CNTNAP4: variants seen among roughly 807,000 people sequenced by gnomAD.
CNTNAP4 encodes the protein contactin associated protein family member 4.
CNTNAP4 carries 98 observed loss-of-function variants against 148.4 expected under a neutral mutation model. The ratio of observed to expected loss-of-function variants is 0.66; its 90% CI spans 0.56 to 0.78. The LOEUF (loss-of-function observed/expected upper bound fraction) is 0.78. CNTNAP4 is among the 30% of genes least tolerant of loss of function. The pLI is 0.00. For synonymous variants in CNTNAP4, 730 were observed against 565.1 expected (o/e 1.29, Z -4.14); for missense variants, 1,935 against 1,565.6 (o/e 1.24, Z -3.98).
At chr16:76,410,650 C>T (rs1034029964) in intron 3 of CNTNAP4, among the ~76,000 whole-genome samples, 1 of 151,662 alleles carries the variant, frequency 6.6e-6, no homozygotes, top group African/African-American at 2.4e-5. Flanking sequence ...TACATTATTA[C>T]TAAATAAAAT....
rs1291873267 is a variant in CNTNAP4, at chr16:76,521,219, G to A, written c.2445G>A (p.Ala815=). 19 of 1,611,616 alleles carry A rather than the reference G, an allele frequency of 1.2e-5. No individual in the cohort carries two copies. Among genetic ancestry groups the A allele is most frequent in the South Asian group, 1.1e-4 (10 of 90,768 alleles). The change falls in exon 16 of 24, where the codon GCG becomes GCA. Residue 815 remains alanine, a synonymous_variant. Transcript: ENST00000611870. The part of the protein sequence containing the change: ...HFPTFHGELS[A]DVSFFFKTTA... The stretch of plus-strand genomic sequence containing the variant: ...CTACCTTCCACGGAGAACTTAGCGC[G>A]GATGTATCTTTCTTTTTTAAGACAA...
At chr16:76,440,521 A>G (rs1210669966) in intron 4 of CNTNAP4, among the ~76,000 whole-genome samples, 1 of 152,170 alleles carries the variant, frequency 6.6e-6, no homozygotes, top group Non-Finnish European at 1.5e-5. Context: ...ATTCATTTCC[A>G]TGGTACAATT....
chr16:76,558,146 T>C (rs2085272678), intron 23 of CNTNAP4: 2 of 172,502 alleles, frequency 1.2e-5, no homozygotes, highest in Admixed American at 1.3e-4. Flanking sequence ...TACTCCATAA[T>C]TTCAAAATAA....
chr16:76,294,976 C>A (rs1055942075), intron 1 of CNTNAP4, among the ~76,000 whole-genome samples: 1 of 152,060 alleles, frequency 6.6e-6, no homozygotes, highest in African/African-American at 2.4e-5. Flanking sequence ...GTTTAAGGTG[C>A]TTATAGGGGG....
intron 1 of CNTNAP4, among the ~76,000 whole-genome samples, chr16:76,304,031 T>G (rs917063159): frequency 2.0e-5 from 3 of 152,182 alleles, no homozygotes; most frequent in Admixed American, 1.3e-4. Flanking sequence ...AACTTTGGAA[T>G]TTATAATAAA....
intron 3 of CNTNAP4, among the ~76,000 whole-genome samples, chr16:76,357,317 T>A (rs1371644225): frequency 6.6e-6 from 1 of 152,222 alleles, no homozygotes; most frequent in East Asian, 1.9e-4. Flanking sequence ...AAATGTATTT[T>A]TTTAAAAAGT....
intron 21 of CNTNAP4, among the ~76,000 whole-genome samples, chr16:76,548,624 T>G (rs1230649831): frequency 6.6e-6 from 1 of 152,032 alleles, no homozygotes; most frequent in African/African-American, 2.4e-5. Flanking sequence ...ACTCCCTTTG[T>G]TGGAAATTGC....
At chr16:76,501,893 C>T (rs1472271866) in intron 15 of CNTNAP4, among the ~76,000 whole-genome samples, 2 of 152,010 alleles carry the variant, frequency 1.3e-5, no homozygotes, top group African/African-American at 4.8e-5. Context: ...AACGGTGAAA[C>T]CCCGTCTCTA....
intron 14 of CNTNAP4, among the ~76,000 whole-genome samples, chr16:76,495,729 A>T (rs1040363794): frequency 6.6e-6 from 1 of 152,074 alleles, no homozygotes; most frequent in Non-Finnish European, 1.5e-5. Context: ...AATATTTTAA[A>T]TGTTTATATT....
chr16:76,323,403 A>G (rs1962634680), intron 2 of CNTNAP4, among the ~76,000 whole-genome samples: 2 of 152,170 alleles, frequency 1.3e-5, no homozygotes, highest in Non-Finnish European at 2.9e-5. Flanking sequence ...TTCCAGATTA[A>G]TTTTATGATC....
At position 76,391,685 on chromosome 16, in the gene CNTNAP4, G is replaced by C. The variant is rs77214317; in HGVS notation, c.391-35767G>C. Among the ~76,000 whole-genome samples the C allele has an allele frequency of 7.7e-4, 118 of 152,296 alleles. 1 individual carries two copies. The highest frequency in any genetic ancestry group is 2.7e-3 in the African/African-American group (111 of 41,554). The stretch of plus-strand genomic sequence containing the variant: ...TGGGGTCCAGGAACAGTGTTGTAAG[G>C]AGCCCTCCATGTGATGTTTGATGTT... On this transcript the variant is annotated intron_variant, in intron 3 of 23. Transcript: ENST00000611870.
intron 21 of CNTNAP4, among the ~76,000 whole-genome samples, chr16:76,544,669 G>T (rs1378467456): frequency 1.3e-5 from 2 of 152,142 alleles, no homozygotes; most frequent in African/African-American, 4.8e-5. Flanking sequence ...ATAAAATTAA[G>T]CTCTTGAGTT....
Position 76,345,963 on chromosome 16 carries a change from G to A in CNTNAP4, c.197-9355G>A, listed in dbSNP as rs141528962. 2.6e-3 allele frequency among the ~76,000 whole-genome samples: 390 copies of A among 152,230 alleles called. 1 individual carries two copies. Among genetic ancestry groups the A allele is most frequent in the Non-Finnish European group, 4.6e-3 (316 of 68,006 alleles). ...TGCCTGTGAAACAAAAATTATTACA[G>A]TTGTCTACAAGCCAGGGAACAAGCC... On this transcript the variant is annotated intron_variant, in intron 2 of 23. Transcript: ENST00000611870.
chr16:76,545,949 C>T (rs2084705698), intron 21 of CNTNAP4, among the ~76,000 whole-genome samples: 1 of 151,768 alleles, frequency 6.6e-6, no homozygotes, highest in Non-Finnish European at 1.5e-5. Context: ...GCAGTGGAGT[C>T]GCTTGAACCC....
intron 2 of CNTNAP4, among the ~76,000 whole-genome samples, chr16:76,338,826 T>C (rs888595557): frequency 2.6e-5 from 4 of 152,126 alleles, no homozygotes. Context: ...GGAAAAAAAA[T>C]TTCCATTGTG....
chr16:76,440,293 G>C (rs775318100), intron 4 of CNTNAP4, among the ~76,000 whole-genome samples: 1 of 151,944 alleles, frequency 6.6e-6, no homozygotes, highest in Non-Finnish European at 1.5e-5. Context: ...TTCAAATACA[G>C]TTAATTTTCT....
chr16:76,536,707 A>G (rs1051612122), intron 18 of CNTNAP4, among the ~76,000 whole-genome samples: 2 of 152,214 alleles, frequency 1.3e-5, no homozygotes, highest in South Asian at 2.1e-4. Flanking sequence ...ATAAAATAGT[A>G]GAATACTTTT....
intron 4 of CNTNAP4, among the ~76,000 whole-genome samples, chr16:76,439,770 T>G (rs886297699): frequency 1.3e-5 from 2 of 152,140 alleles, no homozygotes; most frequent in Non-Finnish European, 2.9e-5. Flanking sequence ...CCTTCTTCCT[T>G]TTTATTGTAT....
chr16:76,391,777 C>T (rs1300736069), intron 3 of CNTNAP4, among the ~76,000 whole-genome samples: 2 of 152,126 alleles, frequency 1.3e-5, no homozygotes, highest in Non-Finnish European at 2.9e-5. Context: ...GCATCAGCAT[C>T]ATCAGAGAGA....
Sources: allele counts gnomAD v4.1 joint callset (sites outside exome capture counted in the v4.1 genomes callset), GRCh38; gene constraint gnomAD v4.1.1; transcripts MANE v1.5; gene names NCBI Gene and HGNC (gene_info 2026-07-23, HGNC 2026-07-21).